The following MAOB variants were observed in gnomAD, a reference collection of about 807,000 sequenced individuals.
The protein encoded by MAOB is monoamine oxidase B, also known as amine oxidase [flavin-containing] B.
MAOB carries 15 observed loss-of-function variants against 41.9 expected under a neutral mutation model. The ratio of observed to expected loss-of-function variants is 0.36; its 90% CI spans 0.24 to 0.55. The LOEUF is 0.55. Ranked by LOEUF, MAOB falls within the 20% of genes least tolerant of loss-of-function variation. The probability of loss-of-function intolerance (pLI) is 0.86; values close to 1 mark genes in which losing one functional copy is unlikely to be tolerated. For synonymous variants in MAOB, 167 were observed against 144.2 expected (o/e 1.16, Z -1.13); for missense variants, 345 against 398.7 (o/e 0.87, Z 1.15).
intron 3 of MAOB, 86 bp downstream of exon 3, chrX:43,838,782 G>T: frequency 3.3e-6 from 3 of 899,623 alleles, no homozygotes; most frequent in Admixed American, 3.4e-5. Flanking sequence ...AGATATAGAA[G>T]ATTCTCTGAG....
chrX:43,796,524 C>T (rs2034529481), intron 6 of MAOB, among the ~76,000 whole-genome samples: 2 of 109,210 alleles, frequency 1.8e-5, no homozygotes, highest in Non-Finnish European at 3.8e-5. Context: ...CAGTTAAGGT[C>T]AGAGAAGGAG....
intron 12 of MAOB, among the ~76,000 whole-genome samples, chrX:43,772,045 A>G (rs942100484): frequency 2.7e-5 from 3 of 111,927 alleles, no homozygotes; most frequent in Non-Finnish European, 5.6e-5. Flanking sequence ...AGAAATGTAT[A>G]TTTAGTTCTT....
Position 43,768,655 on chromosome X carries a change from A to G in MAOB, c.1409T>C (p.Val470Ala). The G allele has an allele frequency of 2.5e-6, 3 of 1,204,010 alleles. No homozygotes were observed. The highest frequency in any genetic ancestry group is 3.4e-6 in the Non-Finnish European group (3 of 888,536). ...TTCATGAAATAAAACATAGCCTACC[A>G]CAGACTCTGGTTCTGACTGCCAGAT... ...DEIWQSEPES[V>A]DVPAQPITTT... Residue 470 changes from valine to alanine, a missense_variant and splice_region_variant, in exon 14 of 15, where the codon GTG (valine) becomes GCG (alanine). By Grantham distance (64) the Val-to-Ala change is moderately conservative. Transcript: ENST00000378069.
chrX:43,863,253 C>T (rs1403345747), intron 1 of MAOB, among the ~76,000 whole-genome samples: 1 of 112,046 alleles, frequency 8.9e-6, no homozygotes, highest in East Asian at 2.8e-4. Flanking sequence ...AATAACAACA[C>T]ACACACATAA....
At chrX:43,775,356 T>C (rs2034242064) in intron 11 of MAOB, 84 bp from the exon 12 acceptor site, 4 of 1,123,794 alleles carry the variant, frequency 3.6e-6, no homozygotes, top group Non-Finnish European at 4.7e-6. Flanking sequence ...TAGTAGGCTT[T>C]GTATTGTCAA....
chrX:43,777,494 T>C (rs1222124484), intron 11 of MAOB, among the ~76,000 whole-genome samples: 1 of 111,859 alleles, frequency 8.9e-6, no homozygotes, highest in Non-Finnish European at 1.9e-5. Context: ...GTGTTTCACC[T>C]GTATCAAGTA....
intron 3 of MAOB, among the ~76,000 whole-genome samples, chrX:43,809,992 C>T (rs2034722623): frequency 9.3e-6 from 1 of 107,113 alleles, no homozygotes; most frequent in African/African-American, 3.6e-5. Context: ...GCCTGTAATC[C>T]CAGCACTTTG....
chrX:43,818,236 T>C (rs1031494859), intron 3 of MAOB, among the ~76,000 whole-genome samples: 3 of 112,566 alleles, frequency 2.7e-5, no homozygotes, highest in South Asian at 3.7e-4. Flanking sequence ...CTCCTATATA[T>C]GGATATACTA....
intron 1 of MAOB, among the ~76,000 whole-genome samples, chrX:43,879,806 C>T (rs951461511): frequency 1.8e-5 from 2 of 112,156 alleles, no homozygotes; most frequent in African/African-American, 6.5e-5. Flanking sequence ...GCTTTCTCTC[C>T]CACCAGACCC....
intron 1 of MAOB, among the ~76,000 whole-genome samples, chrX:43,858,064 C>T (rs1318369482): frequency 1.8e-5 from 2 of 111,432 alleles, no homozygotes; most frequent in Admixed American, 9.5e-5. Context: ...CCTGAGCCCT[C>T]GCAGATTCAA....
chrX:43,851,284 AT>A lies in MAOB; in HGVS notation c.47-7521del, dbSNP rs1015076004. On this transcript the variant is annotated intron_variant, in intron 1 of 14. Coordinates refer to ENST00000378069, the MANE Select transcript of MAOB (RefSeq NM_000898.5). ...GTATGCATAAACATACTCTCAAGAA[AT>A]TTTTTTTTAAGTATAGAAGATAATT... Among the ~76,000 whole-genome samples, 14 of 111,083 alleles carry A rather than the reference AT, an allele frequency of 1.3e-4. No individual in the cohort carries two copies. The South Asian group carries it at 1.9e-3, about 15-fold the overall frequency.
At chrX:43,878,266 C>T (rs1268669056) in intron 1 of MAOB, among the ~76,000 whole-genome samples, 1 of 111,054 alleles carries the variant, frequency 9.0e-6, no homozygotes, top group African/African-American at 3.3e-5. Context: ...TTTTTATAGG[C>T]AGTCTTTGTC....
At chrX:43,773,135 C>A (rs2034207338) in intron 12 of MAOB, among the ~76,000 whole-genome samples, 1 of 112,279 alleles carries the variant, frequency 8.9e-6, no homozygotes, top group Non-Finnish European at 1.9e-5. Context: ...TCATGCCATT[C>A]CATCTGCATA....
chrX:43,802,509 T>G (rs1251271515), intron 4 of MAOB, among the ~76,000 whole-genome samples: 1 of 112,087 alleles, frequency 8.9e-6, no homozygotes, highest in Non-Finnish European at 1.9e-5. Flanking sequence ...GTGATAAAAC[T>G]TCCTGCACAA....
At chrX:43,791,514 T>C (rs2034461948) in intron 8 of MAOB, among the ~76,000 whole-genome samples, 1 of 111,857 alleles carries the variant, frequency 8.9e-6, no homozygotes, top group South Asian at 3.7e-4. Context: ...TCCCAGCACT[T>C]TGGGAGGCCG....
chrX:43,864,365 G>A (rs2035352129), intron 1 of MAOB, among the ~76,000 whole-genome samples: 1 of 111,334 alleles, frequency 9.0e-6, no homozygotes, highest in South Asian at 3.8e-4. Context: ...TAGGATAATT[G>A]TTTTGGATAA....
chrX:43,769,087 C>T (rs1319538866), intron 13 of MAOB, among the ~76,000 whole-genome samples: 1 of 111,659 alleles, frequency 9.0e-6, no homozygotes, highest in African/African-American at 3.3e-5. Context: ...GATCGTTTGC[C>T]CCATGGGCTC....
At chrX:43,772,525 T>G (rs182876949) in intron 12 of MAOB, among the ~76,000 whole-genome samples, 12 of 111,861 alleles carry the variant, frequency 1.1e-4, no homozygotes, top group African/African-American at 3.9e-4. Context: ...AAAACAAAAG[T>G]AATGCAGTGA....
chrX:43,824,702 T>G (rs2034923739), intron 3 of MAOB, among the ~76,000 whole-genome samples: 1 of 111,713 alleles, frequency 9.0e-6, no homozygotes, highest in Non-Finnish European at 1.9e-5. Flanking sequence ...AAGAAAAGAT[T>G]TGTATTCTTC....
Sources: gnomAD v4.1 joint callset for allele counts (sites outside exome capture counted in the v4.1 genomes callset) on GRCh38, gnomAD v4.1.1 for gene constraint, MANE v1.5 for transcripts, NCBI Gene and HGNC (gene_info 2026-07-23, HGNC 2026-07-21) for gene names.